The following ULK4 variants were observed in gnomAD, a reference collection of about 807,000 sequenced individuals.
The protein encoded by ULK4 is inactive serine/threonine-protein kinase ULK4.
A neutral mutation model predicts 160.6 loss-of-function variants in ULK4; 133 were observed. That is an observed-to-expected ratio of 0.83 (90% CI 0.72 to 0.96). The LOEUF is 0.96. Ranked by LOEUF, ULK4 falls within the 40% of genes least tolerant of loss-of-function variation. ULK4 has a pLI of 0.00. For synonymous variants in ULK4, 534 were observed against 539.8 expected, an observed-to-expected ratio of 0.99 and a Z score of 0.15; for missense variants, 1,580 against 1,499.5, an observed-to-expected ratio of 1.05 and a Z score of -0.89.
intron 35 of ULK4, among the ~76,000 whole-genome samples, chr3:41,319,837 TG>T (rs1276112350): frequency 1.3e-5 from 2 of 152,150 alleles, no homozygotes; most frequent in African/African-American, 4.8e-5. Flanking sequence ...GAATAAATGG[TG>T]GAGCCAGAGC....
intron 17 of ULK4, among the ~76,000 whole-genome samples, chr3:41,879,650 C>CT (rs1246633334): frequency 6.6e-6 from 1 of 152,046 alleles, no homozygotes; most frequent in Admixed American, 6.5e-5. Flanking sequence ...ACACCAAACT[C>CT]TATTTTTTCT....
At chr3:41,293,512 T>A (rs1361065250) in intron 35 of ULK4, among the ~76,000 whole-genome samples, 1 of 152,154 alleles carries the variant, frequency 6.6e-6, no homozygotes, top group African/African-American at 2.4e-5. Flanking sequence ...TAAATTCCCA[T>A]ACAACATGTT....
intron 31 of ULK4, among the ~76,000 whole-genome samples, chr3:41,587,458 T>C (rs2030909696): frequency 6.6e-6 from 1 of 152,194 alleles, no homozygotes; most frequent in Non-Finnish European, 1.5e-5. Flanking sequence ...GGGTGACATA[T>C]TAGAATTCTG....
In ULK4 at chr3:41,354,479, C is replaced by T. The variant is rs80029432; in HGVS notation, c.3678+43600G>A. Among the ~76,000 whole-genome samples, 999 of 152,298 alleles carry T rather than the reference C, an allele frequency of 6.6e-3. 11 individuals carry two copies. Among genetic ancestry groups the T allele is most frequent in the African/African-American group, 0.023 (956 of 41,562 alleles). On this transcript the variant is annotated intron_variant, in intron 35 of 36. Transcript: ENST00000301831. ...AATCTGGTTTTCAAACGGGCTAACT[C>T]ATTTAGGGACACATTTGCAGATAGT...
At chr3:41,645,492 T>C (rs1425072616) in intron 30 of ULK4, among the ~76,000 whole-genome samples, 1 of 152,216 alleles carries the variant, frequency 6.6e-6, no homozygotes, top group Non-Finnish European at 1.5e-5. Context: ...TTCCATGTAG[T>C]GGAGTGGTTT....
intron 17 of ULK4, among the ~76,000 whole-genome samples, chr3:41,852,238 ATAAT>A (rs1220241166): frequency 2.0e-5 from 3 of 152,242 alleles, no homozygotes; most frequent in East Asian, 1.9e-4. Context: ...AATTGAGGCA[ATAAT>A]TAATAGCTTA....
intron 35 of ULK4, among the ~76,000 whole-genome samples, chr3:41,341,170 C>T (rs1559533408): frequency 6.6e-6 from 1 of 152,172 alleles, no homozygotes; most frequent in Non-Finnish European, 1.5e-5. Context: ...AGCTAATAAT[C>T]GTCCACTAAA....
At chr3:41,668,252 G>C (rs1022734200) in intron 29 of ULK4, among the ~76,000 whole-genome samples, 2 of 152,144 alleles carry the variant, frequency 1.3e-5, no homozygotes, top group Non-Finnish European at 1.5e-5. Flanking sequence ...TTCCTACAAT[G>C]AGGAAGATTC....
intron 30 of ULK4, among the ~76,000 whole-genome samples, chr3:41,642,711 G>A (rs913781482): frequency 2.6e-5 from 4 of 152,162 alleles, no homozygotes; most frequent in Admixed American, 2.6e-4. Context: ...ACCCAGTAAT[G>A]GGATGGCTGG....
chr3:41,657,398 A>C lies in ULK4; in HGVS notation c.3071+6209T>G, dbSNP rs142962929. On this transcript the variant is annotated intron_variant, in intron 30 of 36. Transcript: ENST00000301831. The stretch of plus-strand genomic sequence containing the variant: ...AAATTAAAACGCATATCCTTCAAAC[A>C]ACATGATGCTGTTGGATACAATTAA... Among the ~76,000 whole-genome samples the C allele has an allele frequency of 1.1e-3, 169 of 152,332 alleles. 1 individual carries two copies. The highest frequency in any genetic ancestry group is 3.9e-3 in the African/African-American group (162 of 41,566).
chr3:41,617,094 GC>G (rs2033012253), intron 30 of ULK4, among the ~76,000 whole-genome samples: 1 of 152,210 alleles, frequency 6.6e-6, no homozygotes, highest in Admixed American at 6.5e-5. Context: ...AAAGGTAGCA[GC>G]CCAAGTCAGG....
chr3:41,467,307 C>T (rs2083859111), intron 32 of ULK4, among the ~76,000 whole-genome samples: 1 of 152,140 alleles, frequency 6.6e-6, no homozygotes, highest in African/African-American at 2.4e-5. Context: ...GTGGGCAGAT[C>T]ACTTGAGGCA....
At chr3:41,326,710 T>C (rs2080345678) in intron 35 of ULK4, among the ~76,000 whole-genome samples, 2 of 152,194 alleles carry the variant, frequency 1.3e-5, no homozygotes, top group Admixed American at 6.5e-5. Flanking sequence ...TTCCTCTCTG[T>C]CTCACTTTAC....
intron 31 of ULK4, among the ~76,000 whole-genome samples, chr3:41,581,253 A>AG (rs2030310417): frequency 6.6e-6 from 1 of 152,186 alleles, no homozygotes; most frequent in Non-Finnish European, 1.5e-5. Flanking sequence ...TGGCCAGGGT[A>AG]GGTGGGTGGG....
intron 30 of ULK4, among the ~76,000 whole-genome samples, chr3:41,627,450 G>A (rs188891691): frequency 6.6e-5 from 10 of 152,290 alleles, no homozygotes; most frequent in South Asian, 2.1e-4. Flanking sequence ...CACAAGAGGC[G>A]TAAGTCCCGA....
At chr3:41,886,552 G>A (rs9839399) in intron 16 of ULK4, among the ~76,000 whole-genome samples, 103,773 of 151,760 alleles carry the variant, frequency 0.68, 39,089 homozygotes, top group East Asian at 0.83. Context: ...ACCATATGAC[G>A]TACAGAAGAT....
intron 34 of ULK4, among the ~76,000 whole-genome samples, chr3:41,406,591 A>T (rs7356088): frequency 0.26 from 40,269 of 152,058 alleles, 5,620 homozygotes; most frequent in South Asian, 0.41. Flanking sequence ...GACCATTTAC[A>T]TTTAAGGTAA....
At chr3:41,455,414 T>C (rs2083522686) in intron 34 of ULK4, 83 bp downstream of exon 34, 6 of 1,290,338 alleles carry the variant, frequency 4.6e-6, no homozygotes, top group African/African-American at 1.5e-5. Flanking sequence ...AAAAATAACA[T>C]AGAAACTCAA....
chr3:41,389,338 G>C (rs770473893), intron 35 of ULK4, among the ~76,000 whole-genome samples: 18 of 151,984 alleles, frequency 1.2e-4, no homozygotes, highest in African/African-American at 3.4e-4. Flanking sequence ...TTGACTTCCT[G>C]TTTTCCTAAT....
Sources: gnomAD v4.1 joint callset for allele counts (sites outside exome capture counted in the v4.1 genomes callset) on GRCh38, gnomAD v4.1.1 for gene constraint, MANE v1.5 for transcripts, NCBI Gene and HGNC (gene_info 2026-07-23, HGNC 2026-07-21) for gene names.